Variants in GNG7 observed in about 807,000 individuals in gnomAD.
GNG7 encodes the protein guanine nucleotide-binding protein G(I)/G(S)/G(O) subunit gamma-7.
GNG7 carries 1 observed loss-of-function variant against 4.0 expected under a neutral mutation model. That is an observed-to-expected ratio of 0.25 (90% CI 0.09 to 1.18). The LOEUF (loss-of-function observed/expected upper bound fraction) is 1.18. Among genes scored for constraint, GNG7 ranks in the 50% most tolerant of loss-of-function variants. The probability of loss-of-function intolerance (pLI) is 0.50; values close to 1 mark genes in which losing one functional copy is unlikely to be tolerated. For synonymous variants in GNG7, 34 were observed against 36.9 expected (o/e 0.92, Z 0.29); for missense variants, 86 against 91.9 (o/e 0.94, Z 0.26).
In GNG7 at chr19:2,611,464, G is replaced by C. The variant is rs1446771128; in HGVS notation, c.-78+34760C>G. ...CCGTGGCAGGAGGGGGTCCCGTCCT[G>C]CGTGGGGCTTGAAGGCAGGTGGGCA... On this transcript the variant is annotated intron_variant, in intron 2 of 4. Coordinates refer to ENST00000382159, the MANE Select transcript of GNG7 (RefSeq NM_052847.3). This position sits in a 1 kb window ranked among gnomAD's most constrained non-coding sequence, Gnocchi z 6.0. 1 of 152,246 alleles carries C rather than the reference G, an allele frequency of 6.6e-6. No individual in the cohort carries two copies. The highest frequency in any genetic ancestry group is 1.5e-5 in the Non-Finnish European group (1 of 68,080). The allele number at this position is 152,246 out of a possible 1,614,324, so 9.4% of individuals were successfully genotyped here.
intron 3 of GNG7, among the ~76,000 whole-genome samples, chr19:2,536,020 A>G (rs775923177): frequency 6.6e-5 from 10 of 151,966 alleles, no homozygotes; most frequent in Non-Finnish European, 5.9e-5. Context: ...AGCTACTTGG[A>G]TGGCTGAGGC....
Position 2,514,333 on chromosome 19 carries a change from G to C in GNG7, c.*689C>G, listed in dbSNP as rs1034715149. On this transcript the variant is annotated 3_prime_UTR_variant, in exon 5 of 5. Coordinates refer to ENST00000382159, the MANE Select transcript of GNG7 (RefSeq NM_052847.3). Reference sequence around the variant, plus strand: ...AGGACCCATGGCTAACATCATGCAGGGGAGTCACACTTGGCAACTTTTCAT... The same window carrying C: ...AGGACCCATGGCTAACATCATGCAGCGGAGTCACACTTGGCAACTTTTCAT... 2 of 152,566 alleles carry C rather than the reference G, an allele frequency of 1.3e-5. No individual in the cohort carries two copies. Among genetic ancestry groups the C allele is most frequent in the Admixed American group, 6.5e-5 (1 of 15,284 alleles). 9.5% of individuals were successfully genotyped at this position (152,566 alleles called of 1,614,324 possible).
At chr19:2,666,230 T>C (rs1983307390) in intron 1 of GNG7, among the ~76,000 whole-genome samples, 1 of 151,832 alleles carries the variant, frequency 6.6e-6, no homozygotes, top group Non-Finnish European at 1.5e-5. Context: ...TGGAGTGCAG[T>C]GGCACGATCT....
Position 2,668,979 on chromosome 19 carries a change from A to G in GNG7, c.-134-22699T>C, listed in dbSNP as rs1395674189. Among the ~76,000 whole-genome samples, 5 of 152,294 alleles carry G rather than the reference A, an allele frequency of 3.3e-5. No homozygotes were observed. In the East Asian group the frequency reaches 9.7e-4, roughly 29 times the overall value. ...ATTCCTGCTGAGAAACCACGGTCCC[A>G]CAATATCCAGCTTAATCCACCTGAC... On this transcript the variant is annotated intron_variant, in intron 1 of 4. Coordinates refer to ENST00000382159, the MANE Select transcript of GNG7 (RefSeq NM_052847.3).
chr19:2,641,872 C>G (rs1982517841), intron 2 of GNG7: 1 of 151,918 alleles, frequency 6.6e-6, no homozygotes. Context: ...ACCATGTTAG[C>G]CAGGATGGTC....
At chr19:2,532,455 A>G (rs1163980148) in intron 3 of GNG7, among the ~76,000 whole-genome samples, 1 of 152,244 alleles carries the variant, frequency 6.6e-6, no homozygotes, top group Non-Finnish European at 1.5e-5. Context: ...AGGGAAAGAA[A>G]CTACAGAAGA....
chr19:2,582,971 A>G (rs1290863403), intron 2 of GNG7, among the ~76,000 whole-genome samples: 1 of 151,990 alleles, frequency 6.6e-6, no homozygotes, highest in East Asian at 1.9e-4. Context: ...GCCCAGCCAA[A>G]TTGTTAAATA....
intron 2 of GNG7, among the ~76,000 whole-genome samples, chr19:2,620,244 G>T (rs1336734289): frequency 7.6e-6 from 1 of 131,360 alleles, no homozygotes; most frequent in East Asian, 2.4e-4. Context: ...GGGGAGGGGA[G>T]GGGAGGGGAG....
chr19:2,535,382 C>A (rs145100075), intron 3 of GNG7, among the ~76,000 whole-genome samples: 1,833 of 151,506 alleles, frequency 0.012, 27 homozygotes, highest in African/African-American at 0.039. Flanking sequence ...CACCTGTAGT[C>A]CCAGCTACTC....
chr19:2,542,633 A>G (rs919673988), intron 3 of GNG7, among the ~76,000 whole-genome samples: 2 of 152,190 alleles, frequency 1.3e-5, no homozygotes, highest in Admixed American at 1.3e-4. Flanking sequence ...CATGACCTCC[A>G]GAACTGTAAG....
rs1241520788 is a variant in GNG7, at chr19:2,557,164, G to A, written c.-77-1976C>T. 2.0e-5 allele frequency among the ~76,000 whole-genome samples: 3 copies of A among 149,672 alleles called. No individual in the cohort carries two copies. Among genetic ancestry groups the A allele is most frequent in the South Asian group, 2.1e-4 (1 of 4,746 alleles). Reference sequence around the variant, plus strand: ...CTCACGCACATGCACACAAAGACACGCGCACACACGTACACACAAGACACG... The same window carrying A: ...CTCACGCACATGCACACAAAGACACACGCACACACGTACACACAAGACACG... On this transcript the variant is annotated intron_variant, in intron 2 of 4. Transcript: ENST00000382159. The surrounding 1 kb of genome is among the most constrained non-coding windows in gnomAD (Gnocchi z 5.1).
intron 2 of GNG7, among the ~76,000 whole-genome samples, chr19:2,560,407 G>A (rs1979705667): frequency 2.6e-5 from 4 of 152,058 alleles, no homozygotes; most frequent in Admixed American, 2.6e-4. Context: ...CTGCTTTAGG[G>A]GGCCCAAGCA....
At chr19:2,607,386 G>T (rs1177781838) in intron 2 of GNG7, among the ~76,000 whole-genome samples, 1 of 151,346 alleles carries the variant, frequency 6.6e-6, no homozygotes, top group East Asian at 1.9e-4. Flanking sequence ...AAAATTAGCC[G>T]AGCATGATGG....
intron 2 of GNG7, among the ~76,000 whole-genome samples, chr19:2,595,734 CAA>C (rs778284283): frequency 3.1e-4 from 28 of 91,656 alleles, no homozygotes; most frequent in South Asian, 3.7e-4. Context: ...GACTCTGTCT[CAA>C]AAAAAAAAAA....
chr19:2,540,846 AG>A (rs1978937222), intron 3 of GNG7, among the ~76,000 whole-genome samples: 1 of 152,192 alleles, frequency 6.6e-6, no homozygotes, highest in Non-Finnish European at 1.5e-5. Context: ...AGCGAGACCC[AG>A]AGAGGCTGGC....
At chr19:2,643,197 G>A (rs1308118785) in intron 2 of GNG7, 1 of 446,384 alleles carries the variant, frequency 2.2e-6, no homozygotes, top group Non-Finnish European at 4.4e-6. Flanking sequence ...TCCGGGCTCT[G>A]CACACCTTCC....
At chr19:2,562,061 T>C (rs986644645) in intron 2 of GNG7, among the ~76,000 whole-genome samples, 4 of 152,032 alleles carry the variant, frequency 2.6e-5, no homozygotes, top group Non-Finnish European at 5.9e-5. Context: ...GACATTTCTC[T>C]GAGAAGTCTC....
intron 2 of GNG7, among the ~76,000 whole-genome samples, chr19:2,577,255 A>G (rs1193179424): frequency 3.3e-5 from 5 of 152,158 alleles, no homozygotes. Flanking sequence ...GGGTACCCCC[A>G]GGGCTGCAGT....
intron 2 of GNG7, among the ~76,000 whole-genome samples, chr19:2,586,603 C>T (rs1056829333): frequency 6.6e-6 from 1 of 152,062 alleles, no homozygotes; most frequent in African/African-American, 2.4e-5. Context: ...GCCAAGGGCT[C>T]AAATGAAAAA....
Sources: allele counts gnomAD v4.1 joint callset (sites outside exome capture counted in the v4.1 genomes callset), GRCh38; gene constraint gnomAD v4.1.1; non-coding constraint Gnocchi (gnomAD v3.1); transcripts MANE v1.5; gene names NCBI Gene and HGNC (gene_info 2026-07-23, HGNC 2026-07-21).